Variants in UPF2 observed in about 807,000 individuals in gnomAD.
UPF2 encodes the protein regulator of nonsense transcripts 2.
Under a neutral mutation model 141.4 loss-of-function variants are expected in UPF2, and 17 were observed. The ratio of observed to expected loss-of-function variants is 0.12; its 90% CI spans 0.08 to 0.18. UPF2 has a LOEUF of 0.18. UPF2 is among the 10% of genes least tolerant of loss of function. The pLI, the probability that UPF2 is intolerant of heterozygous loss-of-function variation, is 1.00. For synonymous variants in UPF2, 540 were observed against 498.0 expected (o/e 1.08, Z -1.12); for missense variants, 1,152 against 1,515.9 (o/e 0.76, Z 3.99).
At chr10:11,922,403 G>GT (rs201699791) in intron 21 of UPF2, among the ~76,000 whole-genome samples, 2,185 of 152,282 alleles carry the variant, frequency 0.014, 25 homozygotes, top group Middle Eastern at 0.027. Context: ...GATAAGATCC[G>GT]TAACTCTTCC....
At chr10:11,987,196 G>A (rs1433106179) in intron 8 of UPF2, among the ~76,000 whole-genome samples, 1 of 152,212 alleles carries the variant, frequency 6.6e-6, no homozygotes, top group Non-Finnish European at 1.5e-5. Context: ...ACCTCAGGAA[G>A]AAGAGTTAGT....
intron 16 of UPF2, 88 bp from the exon 17 acceptor site, chr10:11,943,256 A>G: frequency 8.9e-7 from 1 of 1,119,730 alleles, no homozygotes; most frequent in Non-Finnish European, 1.3e-6. Context: ...AAACTTCTGT[A>G]TAATTGTTTA....
intron 5 of UPF2, 76 bp downstream of exon 5, chr10:12,004,454 A>AT (rs930779937): frequency 2.5e-3 from 2,583 of 1,043,192 alleles, no homozygotes; most frequent in Non-Finnish European, 2.7e-3. Flanking sequence ...CAATATATAT[A>AT]TTTTTTTTTT....
intron 2 of UPF2, among the ~76,000 whole-genome samples, chr10:12,033,004 C>T (rs1429193387): frequency 6.6e-6 from 1 of 151,868 alleles, no homozygotes; most frequent in Non-Finnish European, 1.5e-5. Flanking sequence ...GCCACCATCA[C>T]CCCCCCAAAA....
intron 18 of UPF2, 88 bp downstream of exon 18, chr10:11,942,573 TTAGA>T (rs1461256890): frequency 8.8e-7 from 1 of 1,137,510 alleles, no homozygotes; most frequent in Non-Finnish European, 1.3e-6. Flanking sequence ...GAAGAGACAC[TTAGA>T]TAGGAGAGGC....
In UPF2 at chr10:11,998,685, T is replaced by C. The variant is rs571456070; in HGVS notation, c.1759-928A>G. Among the ~76,000 whole-genome samples, 19 of 152,168 alleles carry C rather than the reference T, an allele frequency of 1.2e-4. No homozygotes were observed. Among genetic ancestry groups the C allele is most frequent in the African/African-American group, 4.3e-4 (18 of 41,532 alleles). On this transcript the variant is annotated intron_variant, in intron 7 of 21. Transcript: ENST00000357604. The surrounding 1 kb of genome is among the most constrained non-coding windows in gnomAD (Gnocchi z 4.5). ...CTGGCCAACATAGTGAAACCCTGTC[T>C]CTACTAAAAATATAAAAAATTAGCC...
At chr10:12,028,622 G>T in intron 3 of UPF2, 123 bp downstream of exon 3, 2 of 963,966 alleles carry the variant, frequency 2.1e-6, no homozygotes, top group Non-Finnish European at 3.0e-6. Flanking sequence ...TTCCTGGAAT[G>T]TTAAGAAATC....
At position 11,936,367 on chromosome 10, in the gene UPF2, A is replaced by AAAAAACAAAAACAAAAAC. The variant is rs535061362; in HGVS notation, c.3546+160_3546+177dup. ...GCGACAAAGTGAGACGCCGTCTCAA[A>AAAAAACAAAAACAAAAAC]AAAAACAAAAACAAAAACAAAAACA... is the stretch of plus-strand genomic sequence containing the variant. On this transcript the variant is annotated intron_variant, in intron 19 of 21. Transcript: ENST00000357604. This position sits in a 1 kb window ranked among gnomAD's most constrained non-coding sequence, Gnocchi z 6.6. Among the ~76,000 whole-genome samples the AAAAAACAAAAACAAAAAC allele has an allele frequency of 2.0e-5, 3 of 152,002 alleles. No homozygotes were observed. Among genetic ancestry groups the AAAAAACAAAAACAAAAAC allele is most frequent in the African/African-American group, 7.2e-5 (3 of 41,412 alleles).
chr10:11,968,451 A>G (rs2131208852), intron 9 of UPF2, among the ~76,000 whole-genome samples: 1 of 152,358 alleles, frequency 6.6e-6, no homozygotes, highest in East Asian at 1.9e-4. Flanking sequence ...TAAGGAACAC[A>G]CTTTAGGAAA....
intron 2 of UPF2, among the ~76,000 whole-genome samples, chr10:12,030,970 C>T (rs1234073936): frequency 2.0e-5 from 3 of 151,332 alleles, no homozygotes; most frequent in East Asian, 1.9e-4. Context: ...GTTAGGAGAT[C>T]GAGACCATCT....
At chr10:11,929,549 A>C (rs981366432) in intron 21 of UPF2, among the ~76,000 whole-genome samples, 1 of 152,052 alleles carries the variant, frequency 6.6e-6, no homozygotes, top group African/African-American at 2.4e-5. Context: ...ATGTGGGAGG[A>C]TCACTTGAGC....
At position 11,998,619 on chromosome 10, in the gene UPF2, G is replaced by A. The variant is rs1588560682; in HGVS notation, c.1759-862C>T. ...TGTAATTCTAGCACTCTGGGAGGCC[G>A]AGGTGGGTGGATCACGTGAGGTCAG... On this transcript the variant is annotated intron_variant, in intron 7 of 21. Transcript: ENST00000357604. This position sits in a 1 kb window ranked among gnomAD's most constrained non-coding sequence, Gnocchi z 4.5. Among the ~76,000 whole-genome samples the A allele has an allele frequency of 3.3e-5, 5 of 152,252 alleles. No individual in the cohort carries two copies. Among genetic ancestry groups the A allele is most frequent in the Admixed American group, 2.6e-4 (4 of 15,290 alleles).
intron 3 of UPF2, among the ~76,000 whole-genome samples, chr10:12,017,210 A>G (rs1834238098): frequency 1.3e-5 from 2 of 152,232 alleles, no homozygotes; most frequent in African/African-American, 4.8e-5. Context: ...AATGACAATT[A>G]CTATGCAACA....
intron 18 of UPF2, among the ~76,000 whole-genome samples, chr10:11,937,013 G>A (rs963759113): frequency 2.0e-5 from 3 of 152,214 alleles, no homozygotes; most frequent in Non-Finnish European, 4.4e-5. Context: ...AAATCCCCCT[G>A]CTCCTCAAAT....
rs1832837500 is a variant in UPF2 at position 11,935,463 on chromosome 10, T to C, written c.3546+1082A>G. On this transcript the variant is annotated intron_variant, in intron 19 of 21. Coordinates refer to ENST00000357604, the MANE Select transcript of UPF2 (RefSeq NM_015542.4). This position sits in a 1 kb window ranked among gnomAD's most constrained non-coding sequence, Gnocchi z 4.9. ...TATGCAACAAAATCTAACATTCTAT[T>C]AATTCTAAGATACACCATTATTTTA... Among the ~76,000 whole-genome samples, 1 of 152,212 alleles carries C rather than the reference T, an allele frequency of 6.6e-6. No individual in the cohort carries two copies. Among genetic ancestry groups the C allele is most frequent in the Admixed American group, 6.5e-5 (1 of 15,288 alleles).
At chr10:12,000,186 A>ATCAAT (rs1234012400) in intron 6 of UPF2, among the ~76,000 whole-genome samples, 177 bp from the exon 7 acceptor site, 2 of 152,220 alleles carry the variant, frequency 1.3e-5, no homozygotes, top group Non-Finnish European at 2.9e-5. Flanking sequence ...GAATCATAAC[A>ATCAAT]TCAATTCACT....
chr10:11,955,913 C>T (rs1222559507), intron 13 of UPF2, among the ~76,000 whole-genome samples: 2 of 152,104 alleles, frequency 1.3e-5, no homozygotes, highest in African/African-American at 2.4e-5. Context: ...GAGGCCAAGA[C>T]AGGTGATCAC....
chr10:11,967,526 A>G, intron 9 of UPF2, 72 bp from the exon 10 acceptor site: 1 of 758,694 alleles, frequency 1.3e-6, no homozygotes, highest in South Asian at 1.9e-5. Context: ...TATTATTTTA[A>G]TGCATTCGAA....
At chr10:11,942,123 C>T (rs1471700757) in intron 18 of UPF2, among the ~76,000 whole-genome samples, 1 of 152,122 alleles carries the variant, frequency 6.6e-6, no homozygotes, top group African/African-American at 2.4e-5. Flanking sequence ...GCTGTAATCC[C>T]AGCACTTTGG....
Sources: allele counts gnomAD v4.1 joint callset (sites outside exome capture counted in the v4.1 genomes callset), GRCh38; gene constraint gnomAD v4.1.1; non-coding constraint Gnocchi (gnomAD v3.1); transcripts MANE v1.5; gene names NCBI Gene and HGNC (gene_info 2026-07-23, HGNC 2026-07-21).